The following IMMP2L variants were observed in gnomAD, a reference collection of about 807,000 sequenced individuals.
IMMP2L encodes inner mitochondrial membrane peptidase subunit 2, also known as mitochondrial inner membrane protease subunit 2.
A neutral mutation model predicts 19.3 loss-of-function variants in IMMP2L; 18 were observed. The ratio of observed to expected loss-of-function variants is 0.93; its 90% CI spans 0.64 to 1.38. The LOEUF (loss-of-function observed/expected upper bound fraction) is 1.38. Ranked by LOEUF, IMMP2L falls within the 40% of genes most tolerant of loss-of-function variation. The probability of loss-of-function intolerance (pLI) is 0.00; values close to 1 mark genes in which losing one functional copy is unlikely to be tolerated. For synonymous variants in IMMP2L, 76 were observed against 73.0 expected, an observed-to-expected ratio of 1.04 and a Z score of -0.21; for missense variants, 233 against 218.2, an observed-to-expected ratio of 1.07 and a Z score of -0.43.
chr7:111,451,663 GTAAC>G (rs2131916944), intron 3 of IMMP2L, among the ~76,000 whole-genome samples: 1 of 148,788 alleles, frequency 6.7e-6, no homozygotes, highest in South Asian at 2.1e-4. Context: ...GTATACATAT[GTAAC>G]TAACCTGCAC....
At chr7:111,485,885 GA>G (rs113659389) in intron 3 of IMMP2L, among the ~76,000 whole-genome samples, 128 of 148,766 alleles carry the variant, frequency 8.6e-4, no homozygotes, top group Admixed American at 4.9e-3. Context: ...TTTCTCACGG[GA>G]AAAAAAAAAT....
intron 5 of IMMP2L, among the ~76,000 whole-genome samples, chr7:110,779,249 GTTATTC>G (rs60335342): frequency 0.063 from 9,543 of 151,870 alleles, 327 homozygotes; most frequent in African/African-American, 0.086. Flanking sequence ...GATTCTACTA[GTTATTC>G]TTATAGCTTT....
chr7:110,925,195 G>A (rs936199368), intron 4 of IMMP2L, among the ~76,000 whole-genome samples: 2 of 151,936 alleles, frequency 1.3e-5, no homozygotes, highest in Non-Finnish European at 2.9e-5. Context: ...ATTTCTATAC[G>A]GATATACTGT....
chr7:110,665,328 T>C (rs1393549843), intron 5 of IMMP2L, among the ~76,000 whole-genome samples: 2 of 152,210 alleles, frequency 1.3e-5, no homozygotes, highest in African/African-American at 2.4e-5. Flanking sequence ...TGTTTGATAG[T>C]TGTTGACATC....
chr7:111,212,209 A>C (rs1286153308), intron 3 of IMMP2L, among the ~76,000 whole-genome samples: 1 of 151,960 alleles, frequency 6.6e-6, no homozygotes, highest in African/African-American at 2.4e-5. Context: ...TTCTGGGGGA[A>C]TTATAAGGAA....
intron 3 of IMMP2L, among the ~76,000 whole-genome samples, chr7:111,367,672 CAGAAAT>C (rs1417204514): frequency 6.6e-6 from 1 of 151,718 alleles, no homozygotes; most frequent in African/African-American, 2.4e-5. Context: ...GGGGAAAAAA[CAGAAAT>C]AGAAAGGTTA....
intron 3 of IMMP2L, among the ~76,000 whole-genome samples, chr7:111,475,710 CCACTATCTTA>C (rs1841658865): frequency 6.6e-6 from 1 of 152,038 alleles, no homozygotes; most frequent in East Asian, 1.9e-4. Flanking sequence ...AAGATTTCTA[CCACTATCTTA>C]TTTTGAGTAA....
chr7:110,872,142 C>A (rs1309607991), intron 5 of IMMP2L, among the ~76,000 whole-genome samples: 1 of 152,104 alleles, frequency 6.6e-6, no homozygotes, highest in Non-Finnish European at 1.5e-5. Flanking sequence ...AGAATAGAAT[C>A]TTGAAGCCAC....
chr7:111,230,821 C>A (rs1813630585), intron 3 of IMMP2L, among the ~76,000 whole-genome samples: 2 of 151,926 alleles, frequency 1.3e-5, no homozygotes, highest in African/African-American at 4.8e-5. Context: ...AGAAAGGAAG[C>A]ACAGATATGG....
At chr7:111,474,767 T>G (rs904803735) in intron 3 of IMMP2L, among the ~76,000 whole-genome samples, 1 of 152,114 alleles carries the variant, frequency 6.6e-6, no homozygotes, top group Non-Finnish European at 1.5e-5. Context: ...TAACACAGTG[T>G]CATTGTTACC....
chr7:111,066,207 T>A (rs1478605753), intron 3 of IMMP2L, among the ~76,000 whole-genome samples: 1 of 151,936 alleles, frequency 6.6e-6, no homozygotes, highest in Admixed American at 6.6e-5. Context: ...GGTCTTGAAC[T>A]CCTGACCTCG....
chr7:110,668,676 GA>G (rs1184057061), intron 5 of IMMP2L, among the ~76,000 whole-genome samples: 3 of 151,956 alleles, frequency 2.0e-5, no homozygotes, highest in Admixed American at 2.0e-4. Context: ...CTTGCTTCCT[GA>G]AAAAAATAAT....
intron 4 of IMMP2L, among the ~76,000 whole-genome samples, chr7:110,946,761 C>T (rs1585387553): frequency 8.0e-6 from 1 of 124,944 alleles, no homozygotes; most frequent in East Asian, 2.2e-4. Flanking sequence ...CGCTCTGTCA[C>T]CCAGGCTGGA....
chr7:111,488,244 A>G (rs1842812805), intron 2 of IMMP2L, among the ~76,000 whole-genome samples: 1 of 152,104 alleles, frequency 6.6e-6, no homozygotes, highest in Non-Finnish European at 1.5e-5. Flanking sequence ...ACATGAGTTA[A>G]GTTCTTCAGC....
intron 3 of IMMP2L, among the ~76,000 whole-genome samples, chr7:111,051,665 A>C (rs1328844670): frequency 6.6e-6 from 1 of 152,210 alleles, no homozygotes; most frequent in African/African-American, 2.4e-5. Flanking sequence ...ACAAACAAAA[A>C]ATGGATTCAT....
At chr7:110,748,551 A>G (rs1253150453) in intron 5 of IMMP2L, among the ~76,000 whole-genome samples, 1 of 152,222 alleles carries the variant, frequency 6.6e-6, no homozygotes, top group Non-Finnish European at 1.5e-5. Context: ...CAAAACAGAT[A>G]TATAGACCAA....
chr7:111,079,443 T>G (rs1275017555), intron 3 of IMMP2L, among the ~76,000 whole-genome samples: 1 of 152,192 alleles, frequency 6.6e-6, no homozygotes, highest in Non-Finnish European at 1.5e-5. Flanking sequence ...TCACTAAATC[T>G]AATACTATAC....
chr7:110,806,540 A>G (rs997185557), intron 5 of IMMP2L, among the ~76,000 whole-genome samples: 6 of 151,966 alleles, frequency 3.9e-5, no homozygotes, highest in African/African-American at 1.4e-4. Flanking sequence ...CTTCTTTCCT[A>G]TATGTTAAGC....
intron 4 of IMMP2L, among the ~76,000 whole-genome samples, chr7:110,923,216 T>C (rs1324233226): frequency 6.6e-6 from 1 of 152,204 alleles, no homozygotes; most frequent in African/African-American, 2.4e-5. Flanking sequence ...ATACAACTAT[T>C]ATTATTAATG....
Sources: allele counts gnomAD v4.1 joint callset (sites outside exome capture counted in the v4.1 genomes callset), GRCh38; gene constraint gnomAD v4.1.1; transcripts MANE v1.5; gene names NCBI Gene and HGNC (gene_info 2026-07-23, HGNC 2026-07-21).